Variants in ASXL1 observed in about 807,000 individuals in gnomAD.
ASXL1 encodes the protein ASXL transcriptional regulator 1, also known as polycomb group protein ASXL1.
Under a neutral mutation model 89.1 loss-of-function variants are expected in ASXL1, and 65 were observed. That is an observed-to-expected ratio of 0.73 (90% CI 0.60 to 0.90). ASXL1 has a LOEUF of 0.90. ASXL1 is among the 40% of genes least tolerant of loss of function. The pLI is 0.00. For synonymous variants in ASXL1, 739 were observed against 746.9 expected, an observed-to-expected ratio of 0.99 and a Z score of 0.17; for missense variants, 1,786 against 1,942.9, an observed-to-expected ratio of 0.92 and a Z score of 1.52.
At chr20:32,417,833 A>G (rs2049164297) in intron 4 of ASXL1, among the ~76,000 whole-genome samples, 3 of 152,070 alleles carry the variant, frequency 2.0e-5, no homozygotes, top group African/African-American at 7.2e-5. Context: ...GCTTGCGCTC[A>G]GGAGTTCAAG....
chr20:32,389,434 T>G (rs2048633414), intron 4 of ASXL1, among the ~76,000 whole-genome samples: 1 of 152,258 alleles, frequency 6.6e-6, no homozygotes, highest in African/African-American at 2.4e-5. Flanking sequence ...TGTCTCCTGA[T>G]GCATGTGTGC....
Position 32,434,518 on chromosome 20 carries a change from G to A in ASXL1, c.1806G>A (p.Glu602=), listed in dbSNP as rs1400355133. 2 of 1,614,028 alleles carry A rather than the reference G, an allele frequency of 1.2e-6. No homozygotes were observed. The highest frequency in any genetic ancestry group is 4.5e-5 in the East Asian group (2 of 44,880). The change falls in exon 13 of 13, where the codon GAG becomes GAA. Residue 602 remains glutamate (E), a synonymous_variant. Transcript: ENST00000375687. ...GCCCCCGGATCATCCCCACCACGGA[G>A]TCCTCCTGCCGGGGTTGGACTGGCG... The part of the protein sequence containing the change: ...QICPRIIPTT[E]SSCRGWTGAR...
intron 4 of ASXL1, among the ~76,000 whole-genome samples, chr20:32,421,861 CT>C (rs2049257324): frequency 8.8e-6 from 1 of 113,720 alleles, no homozygotes; most frequent in African/African-American, 3.2e-5. Flanking sequence ...GGGGTGGTTT[CT>C]TTTCTTTTTT....
At chr20:32,428,502 G>A (rs1189491006) in intron 6 of ASXL1, 80 bp downstream of exon 6, 7 of 1,328,848 alleles carry the variant, frequency 5.3e-6, no homozygotes, top group African/African-American at 1.5e-5. Flanking sequence ...CCTGTAGTGA[G>A]CTGTGAACAT....
chr20:32,414,984 T>TTTTGTTTGTTTGTTTG (rs140588275), intron 4 of ASXL1, among the ~76,000 whole-genome samples: 1 of 150,854 alleles, frequency 6.6e-6, no homozygotes, highest in African/African-American at 2.4e-5. Flanking sequence ...TTCTGGTGTT[T>TTTTGTTTGTTTGTTTG]TTTGTTTGTT....
In ASXL1 at chr20:32,431,576, C is replaced by T. The variant is rs2011514543; in HGVS notation, c.883-7C>T. 2.5e-6 allele frequency: 4 copies of T among 1,614,016 alleles called. No individual in the cohort carries two copies. Among genetic ancestry groups the T allele is most frequent in the Admixed American group, 1.7e-5 (1 of 59,998 alleles). On this transcript the variant is annotated splice_region_variant and splice_polypyrimidine_tract_variant and intron_variant, in intron 9 of 12. Transcript: ENST00000375687. ...ATTAGGATTTTTTTCCCCCTTGATC[C>T]TTCTAGGTGGGGACGGATGGCCTGT...
chr20:32,395,137 G>A (rs766708818), intron 4 of ASXL1, among the ~76,000 whole-genome samples: 29 of 152,034 alleles, frequency 1.9e-4, no homozygotes, highest in African/African-American at 4.3e-4. Context: ...GTTTTTTCTC[G>A]TCAGTTCAGA....
chr20:32,358,814 G>T lies in ASXL1; in HGVS notation c.39G>T (p.Trp13Cys). 1 of 1,510,858 alleles carries T rather than the reference G, an allele frequency of 6.6e-7. No individual in the cohort carries two copies. The highest frequency in any genetic ancestry group is 2.7e-5 in the East Asian group (1 of 36,418). The allele number at this position is 1,510,858 out of a possible 1,614,324, so 93.6% of individuals were successfully genotyped here. A position where few individuals can be genotyped will look rare whatever the true frequency, so the allele number is the denominator to read the frequency against. The change falls in exon 1 of 13, where the codon TGG becomes TGT. Residue 13 changes from tryptophan (W) to cysteine (C), a missense_variant. Trp to Cys is a radical substitution (Grantham distance 215). Around this residue, in one of 3 missense-constraint regions of ASXL1, gnomAD observed 332 missense variants for 449.7 expected, o/e 0.74. Coordinates refer to ENST00000375687, the MANE Select transcript of ASXL1 (RefSeq NM_015338.6). ...AGAAGAAGAAGAAGGAGCGCACGTG[G>T]GCCGAGGCCGCGCGCCTGGTGAGGC... ...DKQKKKKERT[W>C]AEAARLVLEN...
chr20:32,406,588 C>T (rs756060803), intron 4 of ASXL1, among the ~76,000 whole-genome samples: 1 of 152,038 alleles, frequency 6.6e-6, no homozygotes, highest in Non-Finnish European at 1.5e-5. Flanking sequence ...ATTATTTAAT[C>T]ACCCACTCTT....
intron 4 of ASXL1, among the ~76,000 whole-genome samples, chr20:32,409,292 A>T (rs1301142481): frequency 6.6e-6 from 1 of 152,152 alleles, no homozygotes; most frequent in Non-Finnish European, 1.5e-5. Flanking sequence ...TTTATTTTCG[A>T]TGCTATTATA....
Position 32,433,928 on chromosome 20 carries a change from G to A in ASXL1, c.1719+11G>A, listed in dbSNP as rs2011628276. On this transcript the variant is annotated intron_variant, in intron 12 of 12. Transcript: ENST00000375687. ...GTCCCGCCCATCCGGGTAGGAGACT[G>A]TTTGATTCCTGGCTGCCCTGGAGCC... is the stretch of plus-strand genomic sequence containing the variant. 1 of 1,612,036 alleles carries A rather than the reference G, an allele frequency of 6.2e-7. No individual in the cohort carries two copies. Among genetic ancestry groups the A allele is most frequent in the Non-Finnish European group, 8.5e-7 (1 of 1,180,002 alleles).
At chr20:32,397,004 AC>A (rs1254828985) in intron 4 of ASXL1, among the ~76,000 whole-genome samples, 3 of 124,518 alleles carry the variant, frequency 2.4e-5, no homozygotes, top group Non-Finnish European at 5.3e-5. Flanking sequence ...AAAAAAAAAA[AC>A]AAACAAAAAA....
At position 32,366,372 on chromosome 20, in the gene ASXL1, A is replaced by G. The variant is rs746643556; in HGVS notation, c.58-12A>G. On this transcript the variant is annotated splice_polypyrimidine_tract_variant and intron_variant, in intron 1 of 12. Coordinates refer to ENST00000375687, the MANE Select transcript of ASXL1 (RefSeq NM_015338.6). The stretch of plus-strand genomic sequence containing the variant: ...ATTGCACACTGAAATTAGGACGTTT[A>G]TATTTCTTCAGGTATTAGAAAACTA... 13 of 1,598,740 alleles carry G rather than the reference A, an allele frequency of 8.1e-6. No individual in the cohort carries two copies. The Admixed American group carries it at 1.5e-4, about 18-fold the overall frequency.
At position 32,429,445 on chromosome 20, in the gene ASXL1, C is replaced by T. The variant is rs773832073; in HGVS notation, c.565+14C>T. 3 of 1,611,722 alleles carry T rather than the reference C, an allele frequency of 1.9e-6. No homozygotes were observed. The highest frequency in any genetic ancestry group is 1.7e-5 in the Admixed American group (1 of 59,988). ...AATCTGCATCAGGTATGTGTAAACTCATGGTTGTGATGCTTTTTCCTCAGG... is the reference window on the plus strand; with the variant it reads ...AATCTGCATCAGGTATGTGTAAACTTATGGTTGTGATGCTTTTTCCTCAGG... On this transcript the variant is annotated intron_variant, in intron 7 of 12. Coordinates refer to ENST00000375687, the MANE Select transcript of ASXL1 (RefSeq NM_015338.6). This position sits in a 1 kb window ranked among gnomAD's most constrained non-coding sequence, Gnocchi z 4.9.
intron 4 of ASXL1, among the ~76,000 whole-genome samples, chr20:32,406,782 T>G (rs1392093775): frequency 2.0e-5 from 3 of 152,122 alleles, no homozygotes; most frequent in South Asian, 4.1e-4. Flanking sequence ...TACTCTGTCC[T>G]TTGTCATTCC....
At chr20:32,414,072 G>A (rs537253428) in intron 4 of ASXL1, among the ~76,000 whole-genome samples, 1 of 151,832 alleles carries the variant, frequency 6.6e-6, no homozygotes, top group East Asian at 1.9e-4. Flanking sequence ...GATATCGTGT[G>A]TTTTTTTTGA....
intron 4 of ASXL1, among the ~76,000 whole-genome samples, chr20:32,394,718 AT>A (rs1001366046): frequency 1.3e-3 from 189 of 146,812 alleles, no homozygotes; most frequent in African/African-American, 1.5e-3. Flanking sequence ...TTTTAAAACA[AT>A]TTTTTTTTTT....
intron 1 of ASXL1, chr20:32,359,051 C>T (rs927009970): frequency 2.0e-5 from 12 of 608,202 alleles, no homozygotes; most frequent in Non-Finnish European, 3.5e-5. Context: ...GCGCCCCCCC[C>T]GCCCCGCGCA....
At chr20:32,418,228 C>G (rs2049171852) in intron 4 of ASXL1, among the ~76,000 whole-genome samples, 1 of 151,728 alleles carries the variant, frequency 6.6e-6, no homozygotes, top group African/African-American at 2.4e-5. Context: ...ATAAATTAGC[C>G]TGGAGTGGTG....
Sources: allele counts gnomAD v4.1 joint callset (sites outside exome capture counted in the v4.1 genomes callset), GRCh38; gene constraint gnomAD v4.1.1; regional missense constraint gnomAD v4.1.1; non-coding constraint Gnocchi (gnomAD v3.1); transcripts MANE v1.5; gene names NCBI Gene and HGNC (gene_info 2026-07-23, HGNC 2026-07-21).